GRM7: variants seen among roughly 807,000 people sequenced by gnomAD.
GRM7 encodes glutamate metabotropic receptor 7, also known as metabotropic glutamate receptor 7.
In GRM7, 35 loss-of-function variants were observed where a neutral mutation model predicts 84.5. The ratio of observed to expected loss-of-function variants is 0.41; its 90% confidence interval spans 0.32 to 0.55. The LOEUF (loss-of-function observed/expected upper bound fraction) is 0.55. GRM7 is among the 20% of genes least tolerant of loss of function. The probability of loss-of-function intolerance (pLI) is 0.19; values close to 1 mark genes in which losing one functional copy is unlikely to be tolerated. For missense variants in GRM7, 1,003 were observed against 1,194.6 expected, an observed-to-expected ratio of 0.84 and a Z score of 2.36; for synonymous variants, 487 against 455.1, an observed-to-expected ratio of 1.07 and a Z score of -0.89.
chr3:7,684,331 G>A (rs1700495755), intron 9 of GRM7, among the ~76,000 whole-genome samples: 1 of 152,196 alleles, frequency 6.6e-6, no homozygotes, highest in Admixed American at 6.5e-5. Context: ...GGCAAATTCT[G>A]TACAATATTT....
At chr3:7,552,052 C>A (rs1418832126) in intron 7 of GRM7, among the ~76,000 whole-genome samples, 2 of 152,318 alleles carry the variant, frequency 1.3e-5, no homozygotes, top group South Asian at 2.1e-4. Flanking sequence ...ATGAGAACAG[C>A]ATGGGAGAAA....
intron 2 of GRM7, among the ~76,000 whole-genome samples, chr3:7,150,480 A>T (rs77079130): frequency 0.02 from 3,106 of 152,296 alleles, 55 homozygotes; most frequent in Middle Eastern, 0.048. Context: ...CATTTTCACT[A>T]AACTGTCAAA....
At chr3:6,891,124 G>A (rs941840572) in intron 1 of GRM7, among the ~76,000 whole-genome samples, 1 of 152,110 alleles carries the variant, frequency 6.6e-6, no homozygotes, top group Admixed American at 6.5e-5. Flanking sequence ...GCCTATATGT[G>A]TCTCTGCACG....
At chr3:7,019,246 C>A (rs1446987312) in intron 1 of GRM7, among the ~76,000 whole-genome samples, 2 of 152,204 alleles carry the variant, frequency 1.3e-5, no homozygotes, top group Admixed American at 1.3e-4. Context: ...CCCCCACTAT[C>A]AACATCTCCC....
intron 2 of GRM7, among the ~76,000 whole-genome samples, chr3:7,246,477 C>T (rs962220510): frequency 1.3e-5 from 2 of 152,226 alleles, no homozygotes; most frequent in South Asian, 4.2e-4. Flanking sequence ...CAATGGGGAC[C>T]TTGTCCCTTT....
chr3:7,321,790 A>G (rs894063068), intron 4 of GRM7, among the ~76,000 whole-genome samples: 3 of 152,116 alleles, frequency 2.0e-5, no homozygotes, highest in African/African-American at 7.2e-5. Flanking sequence ...TACATAAGCC[A>G]AGTGAAGCAT....
intron 4 of GRM7, among the ~76,000 whole-genome samples, chr3:7,363,357 C>T (rs13091584): frequency 0.54 from 81,909 of 151,600 alleles, 22,313 homozygotes; most frequent in African/African-American, 0.62. Context: ...ATAGTCAATC[C>T]AGAGATCAAG....
At chr3:7,734,567 T>C (rs536624592) in intron 9 of GRM7, among the ~76,000 whole-genome samples, 1 of 152,264 alleles carries the variant, frequency 6.6e-6, no homozygotes, top group Admixed American at 6.5e-5. Flanking sequence ...TGCCACTGGA[T>C]TGGAAATTAT....
At chr3:7,065,972 G>A (rs1307048098) in intron 1 of GRM7, among the ~76,000 whole-genome samples, 2 of 151,752 alleles carry the variant, frequency 1.3e-5, no homozygotes, top group Non-Finnish European at 2.9e-5. Context: ...AACATTCTTT[G>A]AACTGAATGA....
At chr3:7,729,090 T>C (rs1480347697) in intron 9 of GRM7, among the ~76,000 whole-genome samples, 1 of 151,106 alleles carries the variant, frequency 6.6e-6, no homozygotes, top group African/African-American at 2.4e-5. Flanking sequence ...CATGACATTG[T>C]AATACAGTTG....
At chr3:7,247,503 A>G (rs1307836815) in intron 2 of GRM7, among the ~76,000 whole-genome samples, 1 of 151,370 alleles carries the variant, frequency 6.6e-6, no homozygotes, top group Non-Finnish European at 1.5e-5. Context: ...AGAGGCTGAG[A>G]CAGGAGGATA....
At chr3:7,065,102 T>G (rs1465556357) in intron 1 of GRM7, among the ~76,000 whole-genome samples, 1 of 152,032 alleles carries the variant, frequency 6.6e-6, no homozygotes, top group Admixed American at 6.6e-5. Flanking sequence ...CTTTGTCAGA[T>G]GTACAGATTG....
In GRM7 at chr3:7,572,858, AT is replaced by A. The variant is rs1694761895; in HGVS notation, c.1516-5563del. ...TATATATATATATATATATATATAT[AT>A]ATATATATATATATATATATAAATA... On this transcript the variant is annotated intron_variant, in intron 7 of 9. Transcript: ENST00000357716. 1.5e-4 allele frequency among the ~76,000 whole-genome samples: 9 copies of A among 58,820 alleles called. 2 individuals are homozygous for A. The highest frequency in any genetic ancestry group is 6.0e-4 in the African/African-American group (8 of 13,414). The allele number at this position is 58,820 out of a possible 152,430, so 38.6% of individuals were successfully genotyped here.
chr3:7,528,704 G>C (rs1601373), intron 7 of GRM7, among the ~76,000 whole-genome samples: 2 of 151,646 alleles, frequency 1.3e-5, no homozygotes, highest in African/African-American at 2.4e-5. Flanking sequence ...AGACATTTTG[G>C]TATGTTGTGT....
intron 1 of GRM7, among the ~76,000 whole-genome samples, chr3:7,105,270 C>G (rs1353487950): frequency 6.6e-6 from 1 of 151,778 alleles, no homozygotes; most frequent in Non-Finnish European, 1.5e-5. Context: ...AACAATCCAG[C>G]AAATGTGTTC....
chr3:7,432,309 G>T (rs765544690), intron 5 of GRM7, among the ~76,000 whole-genome samples: 2 of 152,214 alleles, frequency 1.3e-5, no homozygotes, highest in East Asian at 3.9e-4. Flanking sequence ...GTAAACCAAG[G>T]CATCTAGTTG....
intron 8 of GRM7, among the ~76,000 whole-genome samples, chr3:7,597,353 C>G (rs560622842): frequency 3.6e-4 from 55 of 152,230 alleles, no homozygotes; most frequent in Middle Eastern, 3.4e-3. Context: ...CTCACCAGGC[C>G]CCATCTCCCA....
chr3:7,481,462 A>C (rs1214580985), intron 7 of GRM7, among the ~76,000 whole-genome samples: 1 of 152,202 alleles, frequency 6.6e-6, no homozygotes, highest in East Asian at 1.9e-4. Flanking sequence ...ATCTGATGCA[A>C]ATGGTAGGCA....
At chr3:7,676,918 T>C (rs1250687925) in intron 8 of GRM7, among the ~76,000 whole-genome samples, 1 of 152,140 alleles carries the variant, frequency 6.6e-6, no homozygotes, top group East Asian at 1.9e-4. Flanking sequence ...TACCTAATAA[T>C]GCATTTCTTA....
Sources: allele counts gnomAD v4.1 joint callset (sites outside exome capture counted in the v4.1 genomes callset), GRCh38; gene constraint gnomAD v4.1.1; transcripts MANE v1.5; gene names NCBI Gene and HGNC (gene_info 2026-07-23, HGNC 2026-07-21).